Variants in U2SURP observed in about 807,000 individuals in gnomAD.
The protein encoded by U2SURP is U2 snRNP associated SURP domain containing.
U2SURP carries 9 observed loss-of-function variants against 144.9 expected under a neutral mutation model. The observed-to-expected ratio is 0.06, with a 90% CI of 0.04 to 0.11. The LOEUF (loss-of-function observed/expected upper bound fraction) is 0.11. Ranked by LOEUF, U2SURP falls within the 10% of genes least tolerant of loss-of-function variation. The pLI is 1.00. For synonymous variants in U2SURP, 408 were observed against 396.8 expected (o/e 1.03, Z -0.33); for missense variants, 724 against 1,226.7 (o/e 0.59, Z 6.12).
chr3:143,033,183 TA>T, intron 17 of U2SURP, 87 bp from the exon 18 acceptor site: 1 of 901,750 alleles, frequency 1.1e-6, no homozygotes. Flanking sequence ...GAGCTTCATA[TA>T]ACTCTTCTAA....
At position 143,001,894 on chromosome 3, in the gene U2SURP, G is replaced by C. The variant is rs556847016; in HGVS notation, c.45+221G>C. ...TCGAGACTGGCGTGCCCAGTGGGTG[G>C]AGGCGTGAGTGCTTCGGCCCGCGCT... On this transcript the variant is annotated intron_variant, in intron 1 of 27. Coordinates refer to ENST00000473835, the MANE Select transcript of U2SURP (RefSeq NM_001080415.2). 6.6e-5 allele frequency among the ~76,000 whole-genome samples: 10 copies of C among 152,368 alleles called. No homozygotes were observed. The East Asian group carries it at 1.9e-3, about 29-fold the overall frequency.
At chr3:143,043,717 G>GTATATATATATATATATATATATA (rs5853088) in intron 24 of U2SURP, among the ~76,000 whole-genome samples, 3 of 147,354 alleles carry the variant, frequency 2.0e-5, no homozygotes, top group African/African-American at 7.5e-5. Flanking sequence ...TAGATTATAT[G>GTATATATATATATATATATATATA]TATATATATA....
Position 143,038,960 on chromosome 3 carries a change from A to T in U2SURP, c.2384A>T (p.Asn795Ile). ...HEESEEEENQ[N>I]QEEESEDEED... Reference sequence around the variant, plus strand: ...GAATCAGAAGAAGAAGAAAATCAAAAGTAAGAATCTAAGTTTTGAATATAC... The same window carrying T: ...GAATCAGAAGAAGAAGAAAATCAAATGTAAGAATCTAAGTTTTGAATATAC... Residue 795 changes from asparagine (N) to isoleucine (I), a missense_variant and splice_region_variant, in exon 23 of 28, where the codon AAT becomes ATT. Around this residue, in one of 13 missense-constraint regions of U2SURP, gnomAD observed 50 missense variants for 48.0 expected, o/e 1.04. Coordinates refer to ENST00000473835, the MANE Select transcript of U2SURP (RefSeq NM_001080415.2). 1 of 1,525,100 alleles carries T rather than the reference A, an allele frequency of 6.6e-7. No homozygotes were observed. The highest frequency in any genetic ancestry group is 8.8e-7 in the Non-Finnish European group (1 of 1,134,092). 94.5% of individuals were successfully genotyped at this position (1,525,100 alleles called of 1,614,324 possible).
chr3:143,053,095 C>G (rs1016177780), intron 25 of U2SURP, among the ~76,000 whole-genome samples: 1 of 151,896 alleles, frequency 6.6e-6, no homozygotes, highest in Non-Finnish European at 1.5e-5. Flanking sequence ...CCTTTTCTAG[C>G]CTTTTTTCTT....
At chr3:143,047,882 A>AC (rs139906758) in intron 24 of U2SURP, among the ~76,000 whole-genome samples, 85,069 of 137,982 alleles carry the variant, frequency 0.62, 25,980 homozygotes, top group Admixed American at 0.66. Flanking sequence ...CGGGGGGCTG[A>AC]CCCCCCCCAA....
At chr3:143,023,741 T>A (rs1932969661) in intron 12 of U2SURP, among the ~76,000 whole-genome samples, 1 of 152,194 alleles carries the variant, frequency 6.6e-6, no homozygotes. Context: ...TTGATGTGCA[T>A]TCTGGCAGGA....
chr3:143,053,532 T>G, intron 25 of U2SURP, 144 bp from the exon 26 acceptor site: 1 of 507,388 alleles, frequency 2.0e-6, no homozygotes, highest in Non-Finnish European at 3.1e-6. Context: ...CCTGAAGGGG[T>G]AGATTTTTTT....
At chr3:143,024,988 T>G (rs1181483763) in intron 13 of U2SURP, among the ~76,000 whole-genome samples, 1 of 152,160 alleles carries the variant, frequency 6.6e-6, no homozygotes, top group Non-Finnish European at 1.5e-5. Context: ...TGTACTACAC[T>G]GTTTTATTCT....
At chr3:143,047,631 C>A (rs1480395008) in intron 24 of U2SURP, among the ~76,000 whole-genome samples, 1 of 48,692 alleles carries the variant, frequency 2.1e-5, no homozygotes. Flanking sequence ...GGGGCTGACC[C>A]CCCCTCCCGC....
chr3:143,017,382 G>A (rs1462659733), intron 6 of U2SURP: 1 of 153,656 alleles, frequency 6.5e-6, no homozygotes, highest in African/African-American at 2.4e-5. Context: ...ATTACTGTCA[G>A]AATTAGTGAC....
At chr3:143,012,476 A>C in intron 3 of U2SURP, 123 bp downstream of exon 3, 1 of 952,564 alleles carries the variant, frequency 1.0e-6, no homozygotes. Context: ...CTATTTGAAA[A>C]TAGCATTCTT....
intron 24 of U2SURP, 39 bp from the exon 25 acceptor site, chr3:143,050,900 T>A (rs1934823560): frequency 7.3e-7 from 1 of 1,365,254 alleles, no homozygotes; most frequent in South Asian, 1.3e-5. Context: ...GAATCTAGAA[T>A]GATGAAAATG....
chr3:143,035,357 A>G (rs1027548648), intron 19 of U2SURP, among the ~76,000 whole-genome samples: 8 of 152,300 alleles, frequency 5.3e-5, no homozygotes, highest in Admixed American at 3.3e-4. Context: ...GCTCTAGACC[A>G]GTGTTAAGAA....
At chr3:143,033,385 A>G in intron 18 of U2SURP, 35 bp downstream of exon 18, 1 of 1,157,564 alleles carries the variant, frequency 8.6e-7, no homozygotes, top group East Asian at 2.6e-5. Context: ...TTCCTGAAAT[A>G]AAGTATTTAA....
intron 1 of U2SURP, among the ~76,000 whole-genome samples, chr3:143,004,171 GT>G (rs1294491513): frequency 1.3e-5 from 2 of 152,074 alleles, no homozygotes; most frequent in East Asian, 3.8e-4. Context: ...AGATACTTCT[GT>G]TTCATGATTC....
intron 3 of U2SURP, among the ~76,000 whole-genome samples, chr3:143,013,878 A>C (rs1936233239): frequency 6.6e-6 from 1 of 152,058 alleles, no homozygotes; most frequent in African/African-American, 2.4e-5. Context: ...TATAATATGT[A>C]AAATGAGTGT....
intron 13 of U2SURP, 98 bp downstream of exon 13, chr3:143,024,116 T>C: frequency 9.1e-7 from 1 of 1,104,528 alleles, no homozygotes; most frequent in East Asian, 2.4e-5. Context: ...GTATCTTGAC[T>C]GAGCAATGGT....
chr3:143,045,366 C>CAAAAAAAAAAAAAAAAAAAAAAAAA (rs11356372), intron 24 of U2SURP, among the ~76,000 whole-genome samples: 1 of 75,426 alleles, frequency 1.3e-5, no homozygotes, highest in African/African-American at 5.2e-5. Flanking sequence ...GAGACGCCGT[C>CAAAAAAAAAAAAAAAAAAAAAAAAA]AAAAAAAAAA....
intron 22 of U2SURP, 33 bp from the exon 23 acceptor site, chr3:143,038,861 G>A (rs753099724): frequency 6.0e-6 from 9 of 1,492,084 alleles, no homozygotes; most frequent in South Asian, 2.6e-5. Flanking sequence ...AGTTTACCTC[G>A]TGGAATTACA....
Sources: allele counts gnomAD v4.1 joint callset (sites outside exome capture counted in the v4.1 genomes callset), GRCh38; gene constraint gnomAD v4.1.1; regional missense constraint gnomAD v4.1.1; transcripts MANE v1.5; gene names NCBI Gene and HGNC (gene_info 2026-07-23, HGNC 2026-07-21).